Variants in CYP3A7 observed in about 807,000 individuals in gnomAD.
CYP3A7 encodes the protein cytochrome P450 family 3 subfamily A member 7.
A neutral mutation model predicts 55.2 loss-of-function variants in CYP3A7; 45 were observed. The observed-to-expected ratio is 0.82, with a 90% CI of 0.64 to 1.05. The LOEUF is 1.05. CYP3A7 is among the 50% of genes least tolerant of loss of function. The probability of loss-of-function intolerance (pLI) is 0.00; values close to 1 mark genes in which losing one functional copy is unlikely to be tolerated. For missense variants in CYP3A7, 548 were observed against 605.3 expected (o/e 0.91, Z 0.99); for synonymous variants, 180 against 207.4 (o/e 0.87, Z 1.13).
intron 2 of CYP3A7, among the ~76,000 whole-genome samples, chr7:99,730,390 C>T (rs374670906): frequency 6.6e-6 from 1 of 152,218 alleles, no homozygotes; most frequent in South Asian, 2.1e-4. Context: ...CCTGCTCAGA[C>T]TCACCCACAA....
chr7:99,721,328 A>T (rs1814191533), intron 3 of CYP3A7, among the ~76,000 whole-genome samples: 1 of 152,248 alleles, frequency 6.6e-6, no homozygotes, highest in Admixed American at 6.5e-5. Flanking sequence ...ACAGCAGAGC[A>T]TGGTTTCCCA....
intron 9 of CYP3A7, among the ~76,000 whole-genome samples, chr7:99,711,205 T>C (rs1813737174): frequency 6.6e-6 from 1 of 152,216 alleles, no homozygotes; most frequent in Non-Finnish European, 1.5e-5. Flanking sequence ...CTCAGTGTCA[T>C]GGTGTGCTCC....
chr7:99,715,702 A>G (rs1414973851), intron 7 of CYP3A7, 56 bp downstream of exon 7: 4 of 1,612,408 alleles, frequency 2.5e-6, no homozygotes, highest in African/African-American at 2.7e-5. Flanking sequence ...TTACATCTCA[A>G]TAAAGCAGTT....
chr7:99,733,550 T>C (rs1162078738), intron 1 of CYP3A7, among the ~76,000 whole-genome samples: 1 of 152,212 alleles, frequency 6.6e-6, no homozygotes, highest in Non-Finnish European at 1.5e-5. Context: ...GCTAAGGTAT[T>C]GTCTGCCTGA....
chr7:99,708,004 G>A, intron 11 of CYP3A7, 30 bp from the exon 12 acceptor site: 1 of 1,613,478 alleles, frequency 6.2e-7, no homozygotes, highest in Admixed American at 1.7e-5. Context: ...TATTTTAAAA[G>A]TTAAAGACAT....
intron 4 of CYP3A7, 21 bp downstream of exon 4, chr7:99,720,291 AT>A (rs1209951378): frequency 6.2e-7 from 1 of 1,611,514 alleles, no homozygotes. Flanking sequence ...GAGTATTTTA[AT>A]TTCAAAAAAT....
intron 8 of CYP3A7, 30 bp from the exon 9 acceptor site, chr7:99,713,565 A>G: frequency 1.9e-6 from 3 of 1,612,954 alleles, no homozygotes; most frequent in Non-Finnish European, 2.5e-6. Context: ...TTTTATTGAC[A>G]GAAAGTGACT....
chr7:99,727,152 C>T (rs1814442063), intron 2 of CYP3A7, among the ~76,000 whole-genome samples: 1 of 152,200 alleles, frequency 6.6e-6, no homozygotes, highest in Non-Finnish European at 1.5e-5. Context: ...CTCATCCCAA[C>T]TCTTTTCATT....
At chr7:99,717,852 A>T (rs572278116) in intron 4 of CYP3A7, among the ~76,000 whole-genome samples, 1 of 152,262 alleles carries the variant, frequency 6.6e-6, no homozygotes, top group East Asian at 1.9e-4. Context: ...CTCCTTTTAC[A>T]TGCAAATTCT....
intron 2 of CYP3A7, among the ~76,000 whole-genome samples, chr7:99,723,058 G>A (rs1238376728): frequency 6.6e-6 from 1 of 152,040 alleles, no homozygotes; most frequent in Non-Finnish European, 1.5e-5. Flanking sequence ...CTACATTTCA[G>A]GGGTGAAGTT....
chr7:99,720,961 T>C (rs1318998338), intron 3 of CYP3A7: 2 of 156,100 alleles, frequency 1.3e-5, no homozygotes, highest in Admixed American at 6.1e-5. Flanking sequence ...CAGACAGCAC[T>C]GTGGTTTCTG....
At chr7:99,719,735 A>G (rs1028532102) in intron 4 of CYP3A7, among the ~76,000 whole-genome samples, 7 of 152,324 alleles carry the variant, frequency 4.6e-5, no homozygotes, top group Non-Finnish European at 7.4e-5. Flanking sequence ...CATCTTGATC[A>G]TGCTGGTCAT....
chr7:99,715,420 A>C (rs1384494136), intron 7 of CYP3A7: 2 of 324,776 alleles, frequency 6.2e-6, no homozygotes, highest in African/African-American at 4.3e-5. Context: ...ACTAAAGTAC[A>C]AATTCATGAA....
chr7:99,725,771 C>T (rs2687138), intron 2 of CYP3A7, among the ~76,000 whole-genome samples: 8,623 of 152,226 alleles, frequency 0.057, 322 homozygotes, highest in Middle Eastern at 0.1. Context: ...GGAAGCCCCC[C>T]GGAGAATCAC....
At chr7:99,731,425 A>G (rs1054071692) in intron 1 of CYP3A7, among the ~76,000 whole-genome samples, 2 of 152,238 alleles carry the variant, frequency 1.3e-5, no homozygotes, top group South Asian at 4.1e-4. Context: ...AAATGTTCTC[A>G]AATGTGAATG....
At chr7:99,707,040 A>T (rs1462931303) in intron 12 of CYP3A7, among the ~76,000 whole-genome samples, 4 of 152,240 alleles carry the variant, frequency 2.6e-5, no homozygotes, top group Non-Finnish European at 5.9e-5. Flanking sequence ...GGAGTAAATG[A>T]GCCCTGGACT....
chr7:99,733,787 A>G (rs1814720857), intron 1 of CYP3A7, among the ~76,000 whole-genome samples: 1 of 152,238 alleles, frequency 6.6e-6, no homozygotes, highest in African/African-American at 2.4e-5. Context: ...TGCTTTTGCT[A>G]TCATCACTGG....
chr7:99,731,261 T>A (rs1814605161), intron 1 of CYP3A7, 109 bp from the exon 2 acceptor site: 9 of 1,235,798 alleles, frequency 7.3e-6, no homozygotes, highest in Middle Eastern at 1.9e-4. Context: ...GAGGTAACAT[T>A]AAGGCAATAA....
rs374041281 is a variant in CYP3A7, at chr7:99,725,250, G to A, written c.166-2902C>T. 1.4e-4 allele frequency among the ~76,000 whole-genome samples: 22 copies of A among 152,210 alleles called. No individual in the cohort carries two copies. In the East Asian group the frequency reaches 2.9e-3, roughly 20 times the overall value. On this transcript the variant is annotated intron_variant, in intron 2 of 12. Coordinates refer to ENST00000336374, the MANE Select transcript of CYP3A7 (RefSeq NM_000765.5). ...CTGGACCCAGAGGGGCCAGAAGGCC[G>A]CCTTATCCTTAATATGCATTTTATG...
Sources: gnomAD v4.1 joint callset for allele counts (sites outside exome capture counted in the v4.1 genomes callset) on GRCh38, gnomAD v4.1.1 for gene constraint, MANE v1.5 for transcripts, NCBI Gene and HGNC (gene_info 2026-07-23, HGNC 2026-07-21) for gene names.